LMBR1: variants seen among roughly 807,000 people sequenced by gnomAD.
LMBR1 encodes the protein limb region 1 protein homolog.
LMBR1 carries 52 observed loss-of-function variants against 73.9 expected under a neutral mutation model. The ratio of observed to expected loss-of-function variants is 0.70; its 90% CI spans 0.56 to 0.89. The LOEUF (loss-of-function observed/expected upper bound fraction) is 0.89. Ranked by LOEUF, LMBR1 falls within the 40% of genes least tolerant of loss-of-function variation. LMBR1 has a pLI of 0.00. For missense variants in LMBR1, 539 were observed against 579.8 expected (o/e 0.93, Z 0.72); for synonymous variants, 215 against 209.4 (o/e 1.03, Z -0.23).
chr7:156,846,744 G>A (rs1795527065), intron 1 of LMBR1, among the ~76,000 whole-genome samples: 1 of 151,970 alleles, frequency 6.6e-6, no homozygotes, highest in African/African-American at 2.4e-5. Flanking sequence ...AATATTGAAG[G>A]AAAAAAACAA....
At chr7:156,875,466 G>T (rs1295079928) in intron 1 of LMBR1, among the ~76,000 whole-genome samples, 1 of 152,160 alleles carries the variant, frequency 6.6e-6, no homozygotes, top group Non-Finnish European at 1.5e-5. Flanking sequence ...GAAGCTCAAA[G>T]AACACTTGGG....
intron 4 of LMBR1, among the ~76,000 whole-genome samples, chr7:156,799,344 C>T (rs150831694): frequency 7.2e-5 from 11 of 152,310 alleles, no homozygotes; most frequent in African/African-American, 1.2e-4. Flanking sequence ...CCCAATACCA[C>T]GTGCTCACTT....
At chr7:156,819,534 C>T (rs1834430848) in intron 4 of LMBR1, among the ~76,000 whole-genome samples, 1 of 152,140 alleles carries the variant, frequency 6.6e-6, no homozygotes. Flanking sequence ...ACAGATGCTC[C>T]ATGGGAGATT....
At chr7:156,761,983 A>AG (rs1823122265) in intron 8 of LMBR1, 151 bp downstream of exon 8, 1 of 568,832 alleles carries the variant, frequency 1.8e-6, no homozygotes, top group Non-Finnish European at 3.1e-6. Flanking sequence ...TCTCAAAAAA[A>AG]AAAAAAAAAC....
chr7:156,719,369 T>C (rs1447241351), intron 15 of LMBR1, among the ~76,000 whole-genome samples: 5 of 152,154 alleles, frequency 3.3e-5, no homozygotes, highest in Non-Finnish European at 4.4e-5. Flanking sequence ...ATTTTCTTAA[T>C]CCAGTCTATC....
At chr7:156,827,538 T>A (rs1025992034) in intron 3 of LMBR1, among the ~76,000 whole-genome samples, 38 of 152,244 alleles carry the variant, frequency 2.5e-4, no homozygotes, top group African/African-American at 8.9e-4. Flanking sequence ...CAGTTACACA[T>A]TTCTGAAACA....
chr7:156,709,966 G>A (rs10227838), intron 15 of LMBR1, among the ~76,000 whole-genome samples: 51,951 of 143,776 alleles, frequency 0.36, 9,788 homozygotes, highest in Middle Eastern at 0.47. Flanking sequence ...GTGCAGTGGC[G>A]CGATCTTGGC....
At chr7:156,785,796 A>C (rs1827966538) in intron 5 of LMBR1, among the ~76,000 whole-genome samples, 1 of 152,200 alleles carries the variant, frequency 6.6e-6, no homozygotes. Context: ...TTCCAGATAA[A>C]AGGTCAGTAA....
At chr7:156,743,456 C>A (rs1200435583) in intron 9 of LMBR1, among the ~76,000 whole-genome samples, 2 of 152,056 alleles carry the variant, frequency 1.3e-5, no homozygotes, top group Non-Finnish European at 2.9e-5. Context: ...CTCAAAGTAG[C>A]TTAAAAATGA....
At position 156,721,447 on chromosome 7, in the gene LMBR1, TATAG is replaced by T. The variant is rs200869511; in HGVS notation, c.1225+2661_1225+2664del. Reference sequence around the variant, plus strand: ...TTTATTGCATAGAATTTTGGACATCTATAGATAATTAGTTTGATCTTGTTCTATT... The same window carrying T: ...TTTATTGCATAGAATTTTGGACATCTATAATTAGTTTGATCTTGTTCTATT... On this transcript the variant is annotated intron_variant, in intron 15 of 16. Transcript: ENST00000353442. 2.1e-3 allele frequency among the ~76,000 whole-genome samples: 315 copies of T among 152,240 alleles called. 7 individuals carry two copies. The East Asian group carries it at 0.033, about 16-fold the overall frequency.
chr7:156,837,456 T>C (rs920257628), intron 1 of LMBR1, among the ~76,000 whole-genome samples: 3 of 147,544 alleles, frequency 2.0e-5, no homozygotes, highest in Non-Finnish European at 4.5e-5. Flanking sequence ...CGTAACTTGA[T>C]CCAATGTTTT....
At chr7:156,703,932 G>A (rs754262189) in intron 15 of LMBR1, among the ~76,000 whole-genome samples, 11 of 152,018 alleles carry the variant, frequency 7.2e-5, no homozygotes, top group South Asian at 2.1e-4. Flanking sequence ...TGTAAACATC[G>A]CCTACTGACC....
At chr7:156,778,763 T>C (rs745531643) in intron 5 of LMBR1, among the ~76,000 whole-genome samples, 15 of 152,222 alleles carry the variant, frequency 9.9e-5, no homozygotes, top group Admixed American at 3.3e-4. Flanking sequence ...ATGTGTGAGA[T>C]TGTTAGACTT....
intron 5 of LMBR1, among the ~76,000 whole-genome samples, chr7:156,781,726 T>C (rs995722893): frequency 2.0e-5 from 3 of 152,062 alleles, no homozygotes; most frequent in Non-Finnish European, 4.4e-5. Flanking sequence ...ACCATGACCA[T>C]CCTCCCAACC....
chr7:156,759,269 T>C (rs1822519033), intron 8 of LMBR1, among the ~76,000 whole-genome samples: 1 of 152,194 alleles, frequency 6.6e-6, no homozygotes, highest in African/African-American at 2.4e-5. Flanking sequence ...GAAAGGCATT[T>C]CAATTAGAGG....
chr7:156,687,446 C>T (rs775708064), intron 16 of LMBR1, among the ~76,000 whole-genome samples: 6 of 152,236 alleles, frequency 3.9e-5, no homozygotes, highest in African/African-American at 9.6e-5. Flanking sequence ...TCATAGGTTA[C>T]GTTTGTACCC....
At chr7:156,720,262 A>G (rs1272311235) in intron 15 of LMBR1, among the ~76,000 whole-genome samples, 5 of 152,218 alleles carry the variant, frequency 3.3e-5, no homozygotes, top group Non-Finnish European at 5.9e-5. Flanking sequence ...TTTACAAGAA[A>G]AAAACAAATT....
intron 1 of LMBR1, among the ~76,000 whole-genome samples, chr7:156,889,193 T>A (rs955419775): frequency 3.9e-5 from 6 of 152,164 alleles, no homozygotes; most frequent in Non-Finnish European, 2.9e-5. Context: ...CAGATTCATA[T>A]AGGCAGAACC....
intron 1 of LMBR1, among the ~76,000 whole-genome samples, chr7:156,872,727 A>G (rs1172613640): frequency 1.3e-5 from 2 of 152,158 alleles, no homozygotes; most frequent in Non-Finnish European, 2.9e-5. Flanking sequence ...AACATTGATG[A>G]AAGAAATTAA....
Sources: gnomAD v4.1 joint callset for allele counts (sites outside exome capture counted in the v4.1 genomes callset) on GRCh38, gnomAD v4.1.1 for gene constraint, MANE v1.5 for transcripts, NCBI Gene and HGNC (gene_info 2026-07-23, HGNC 2026-07-21) for gene names.